SCAPER: variants seen among roughly 807,000 people sequenced by gnomAD.
The protein encoded by SCAPER is S phase cyclin A-associated protein in the endoplasmic reticulum.
Under a neutral mutation model 182.2 loss-of-function variants are expected in SCAPER, and 98 were observed. The ratio of observed to expected loss-of-function variants is 0.54; its 90% confidence interval spans 0.46 to 0.64. The LOEUF (loss-of-function observed/expected upper bound fraction) is 0.64, where lower values mean the gene tolerates loss of function less well. SCAPER is among the 30% of genes least tolerant of loss of function. The pLI, the probability that SCAPER is intolerant of heterozygous loss-of-function variation, is 0.00. For synonymous variants in SCAPER, 605 were observed against 564.6 expected, an observed-to-expected ratio of 1.07 and a Z score of -1.01; for missense variants, 1,432 against 1,690.0, an observed-to-expected ratio of 0.85 and a Z score of 2.68.
chr15:76,537,338 CA>C, intron 23 of SCAPER, among the ~76,000 whole-genome samples: 1 of 152,100 alleles, frequency 6.6e-6, no homozygotes, highest in Non-Finnish European at 1.5e-5. Flanking sequence ...CTACAGTAAC[CA>C]AAACAGCATG....
chr15:76,705,325 A>C (rs1289110571), intron 18 of SCAPER, among the ~76,000 whole-genome samples: 1 of 147,000 alleles, frequency 6.8e-6, no homozygotes, highest in Non-Finnish European at 1.5e-5. Flanking sequence ...GCATGTTCTC[A>C]CTCATAGATG....
intron 26 of SCAPER, among the ~76,000 whole-genome samples, chr15:76,408,253 T>C (rs2045013697): frequency 6.6e-6 from 1 of 152,210 alleles, no homozygotes; most frequent in African/African-American, 2.4e-5. Flanking sequence ...CTATACGCTT[T>C]CCCACAAGTT....
At chr15:76,528,644 T>C (rs868621377) in intron 23 of SCAPER, among the ~76,000 whole-genome samples, 1 of 152,226 alleles carries the variant, frequency 6.6e-6, no homozygotes, top group Non-Finnish European at 1.5e-5. Flanking sequence ...GCTGCCACCA[T>C]CTCACTTGAA....
intron 5 of SCAPER, among the ~76,000 whole-genome samples, chr15:76,838,399 C>T (rs1354309067): frequency 6.6e-6 from 1 of 152,138 alleles, no homozygotes; most frequent in Non-Finnish European, 1.5e-5. Flanking sequence ...GGCCCAACTC[C>T]ATCAGAGTTT....
intron 25 of SCAPER, among the ~76,000 whole-genome samples, chr15:76,467,294 G>T (rs1171931689): frequency 6.6e-6 from 1 of 152,050 alleles, no homozygotes; most frequent in African/African-American, 2.4e-5. Context: ...TGTTTTTGTT[G>T]TTCTCAGCAG....
At chr15:76,868,075 G>T (rs554845637) in intron 2 of SCAPER, among the ~76,000 whole-genome samples, 18 of 152,174 alleles carry the variant, frequency 1.2e-4, no homozygotes, top group African/African-American at 3.9e-4. Context: ...AAATGTGAAA[G>T]GTCACATGCT....
chr15:76,857,145 G>A (rs139876796), intron 4 of SCAPER, among the ~76,000 whole-genome samples: 104 of 152,168 alleles, frequency 6.8e-4, no homozygotes, highest in African/African-American at 2.2e-3. Flanking sequence ...GAAATTAACC[G>A]CTGAGGGCTG....
intron 26 of SCAPER, among the ~76,000 whole-genome samples, chr15:76,406,486 A>G (rs1176089952): frequency 6.6e-6 from 1 of 151,956 alleles, no homozygotes; most frequent in Admixed American, 6.6e-5. Flanking sequence ...TCAAGAAAAA[A>G]AAATCAAGTG....
chr15:76,659,263 A>C (rs1019890313), intron 21 of SCAPER, among the ~76,000 whole-genome samples: 1 of 152,040 alleles, frequency 6.6e-6, no homozygotes, highest in Non-Finnish European at 1.5e-5. Context: ...TGGGCAAAGA[A>C]TATTACAGAC....
intron 23 of SCAPER, among the ~76,000 whole-genome samples, chr15:76,526,252 T>C (rs1441409309): frequency 6.6e-6 from 1 of 152,206 alleles, no homozygotes; most frequent in Non-Finnish European, 1.5e-5. Flanking sequence ...TTCTTGAGTG[T>C]TTTACTGTGC....
At chr15:76,440,498 T>C (rs1207276395) in intron 25 of SCAPER, among the ~76,000 whole-genome samples, 1 of 152,218 alleles carries the variant, frequency 6.6e-6, no homozygotes, top group African/African-American at 2.4e-5. Flanking sequence ...AACTATTTTT[T>C]AGTATTCTGA....
At chr15:76,795,148 A>T in intron 8 of SCAPER, 132 bp downstream of exon 8, 1 of 843,182 alleles carries the variant, frequency 1.2e-6, no homozygotes, top group Non-Finnish European at 1.7e-6. Context: ...AGATAATTTT[A>T]TGTTTTAATT....
At chr15:76,649,468 C>A (rs1456268851) in intron 21 of SCAPER, among the ~76,000 whole-genome samples, 2 of 151,396 alleles carry the variant, frequency 1.3e-5, no homozygotes, top group African/African-American at 4.9e-5. Context: ...ACAGCAACAA[C>A]AAACAAATCA....
chr15:76,697,383 C>A, intron 20 of SCAPER, among the ~76,000 whole-genome samples: 1 of 152,120 alleles, frequency 6.6e-6, no homozygotes, highest in East Asian at 1.9e-4. Flanking sequence ...AAACAGTACA[C>A]AAAATGAACA....
At chr15:76,538,678 G>T (rs1022673122) in intron 23 of SCAPER, among the ~76,000 whole-genome samples, 4 of 151,512 alleles carry the variant, frequency 2.6e-5, no homozygotes, top group Middle Eastern at 3.4e-3. Flanking sequence ...AACTAATCCT[G>T]CACATTGTGC....
chr15:76,396,123 T>A (rs141610456), intron 27 of SCAPER, among the ~76,000 whole-genome samples: 51 of 152,324 alleles, frequency 3.3e-4, no homozygotes, highest in African/African-American at 1.1e-3. Flanking sequence ...GGCACCTTTG[T>A]CAAAAATGAG....
intron 26 of SCAPER, among the ~76,000 whole-genome samples, chr15:76,414,348 C>T (rs925923067): frequency 3.3e-5 from 5 of 151,748 alleles, no homozygotes; most frequent in South Asian, 2.1e-4. Context: ...ATCAATTTAC[C>T]GTTCAAATAG....
chr15:76,838,098 C>A (rs1465174783), intron 5 of SCAPER, among the ~76,000 whole-genome samples: 1 of 152,130 alleles, frequency 6.6e-6, no homozygotes. Flanking sequence ...GATATATGCA[C>A]ACATATGTTC....
At chr15:76,809,960 A>G (rs2066464639) in intron 5 of SCAPER, among the ~76,000 whole-genome samples, 1 of 152,228 alleles carries the variant, frequency 6.6e-6, no homozygotes, top group Admixed American at 6.5e-5. Context: ...AATTCAAAGT[A>G]CTGAACGAAA....
Sources: gnomAD v4.1 joint callset for allele counts (sites outside exome capture counted in the v4.1 genomes callset) on GRCh38, gnomAD v4.1.1 for gene constraint, MANE v1.5 for transcripts, NCBI Gene and HGNC (gene_info 2026-07-23, HGNC 2026-07-21) for gene names.